PHKA1: variants seen among roughly 807,000 people sequenced by gnomAD.
PHKA1 encodes phosphorylase kinase regulatory subunit alpha 1.
Under a neutral mutation model 110.2 loss-of-function variants are expected in PHKA1, and 60 were observed. The ratio of observed to expected loss-of-function variants is 0.54; its 90% CI spans 0.44 to 0.68. PHKA1 has a LOEUF of 0.68. PHKA1 is among the 30% of genes least tolerant of loss of function. The pLI is 0.00. For synonymous variants in PHKA1, 316 were observed against 333.6 expected (o/e 0.95, Z 0.58); for missense variants, 801 against 942.5 (o/e 0.85, Z 1.97).
In PHKA1 at chrX:72,602,279, T is replaced by C; in HGVS notation, c.2918-6A>G. On this transcript the variant is annotated splice_polypyrimidine_tract_variant and splice_region_variant and intron_variant, in intron 26 of 31. Transcript: ENST00000373542. ...ATTTGAATCAGTGGGACGAACTATG[T>C]AGTATGAGAGATTACAGAGAAAGAG... 7.7e-6 allele frequency: 8 copies of C among 1,045,620 alleles called. No homozygotes were observed. The highest frequency in any genetic ancestry group is 9.4e-6 in the Non-Finnish European group (7 of 744,594). The allele number at this position is 1,045,620 out of a possible 1,213,427, so 86.2% of individuals were successfully genotyped here. A position where few individuals can be genotyped will look rare whatever the true frequency, so the allele number is the denominator to read the frequency against.
chrX:72,587,443 T>C (rs183811131), intron 29 of PHKA1, among the ~76,000 whole-genome samples: 8 of 111,301 alleles, frequency 7.2e-5, no homozygotes, highest in Admixed American at 9.5e-5. Flanking sequence ...GCAATAAACA[T>C]GGAAAGGAAC....
chrX:72,685,082 C>G (rs1244685040), intron 4 of PHKA1, among the ~76,000 whole-genome samples: 2 of 111,482 alleles, frequency 1.8e-5, no homozygotes, highest in Admixed American at 1.9e-4. Flanking sequence ...CATGAATTAT[C>G]CATTTAATTT....
intron 9 of PHKA1, among the ~76,000 whole-genome samples, 163 bp from the exon 10 acceptor site, chrX:72,656,405 C>A (rs782362270): frequency 7.1e-5 from 8 of 112,207 alleles, no homozygotes; most frequent in Non-Finnish European, 1.3e-4. Flanking sequence ...CTCTATGATG[C>A]GACTTCTAAC....
In PHKA1 at chrX:72,666,185, T is replaced by G; in HGVS notation, c.830A>C (p.Glu277Ala). Residue 277 changes from glutamate to alanine, a missense_variant, in exon 8 of 32, where the codon GAG becomes GCG. Physicochemically the swap from Glu to Ala is moderately radical, Grantham distance 107 (BLOSUM62 -1). Around this residue, in one of 2 missense-constraint regions of PHKA1, gnomAD observed 299 missense variants for 423.3 expected, o/e 0.71. Coordinates refer to ENST00000373542, the MANE Select transcript of PHKA1 (RefSeq NM_002637.4). ...GGTGATGATTTCCTGTTTTGTGAGC[T>G]CCACCAACTGGCTATCCTCTACTGC... ...AFAVEDSQLV[E>A]LTKQEIITKL... 1 of 1,210,947 alleles carries G rather than the reference T, an allele frequency of 8.3e-7. No individual in the cohort carries two copies. Among genetic ancestry groups the G allele is most frequent in the Non-Finnish European group, 1.1e-6 (1 of 894,848 alleles).
chrX:72,667,399 C>A lies in PHKA1; in HGVS notation c.693G>T (p.Leu231=), dbSNP rs1374075213. ...KGGPQSVIHV[L]ADEVQHCQSI... ...CCTGGCAGTGCTGTACTTCATCAGCCAGGACATGGATAACTGATTGAGGCC... is the reference window on the plus strand; with the variant it reads ...CCTGGCAGTGCTGTACTTCATCAGCAAGGACATGGATAACTGATTGAGGCC... The change falls in exon 7 of 32, where the codon CTG becomes CTT. Residue 231 remains leucine, a synonymous_variant. Transcript: ENST00000373542. The A allele has an allele frequency of 8.3e-7, 1 of 1,206,467 alleles. No homozygotes were observed. Among genetic ancestry groups the A allele is most frequent in the African/African-American group, 1.8e-5 (1 of 57,122 alleles).
At chrX:72,675,272 T>C (rs1556311228) in intron 6 of PHKA1, among the ~76,000 whole-genome samples, 1 of 110,148 alleles carries the variant, frequency 9.1e-6, no homozygotes, top group Non-Finnish European at 1.9e-5. Context: ...TAAAATTCTA[T>C]TGTGACTCCC....
rs1317388080 is a variant in PHKA1, at chrX:72,713,877, T to C, written c.4A>G (p.Arg2Gly). The C allele has an allele frequency of 8.4e-7, 1 of 1,196,631 alleles. No homozygotes were observed. Among genetic ancestry groups the C allele is most frequent in the African/African-American group, 1.8e-5 (1 of 57,021 alleles). The change falls in exon 1 of 32, where the codon AGG (arginine) becomes GGG (glycine). Residue 2 changes from arginine (R) to glycine (G), a missense_variant. Arg to Gly is a moderately radical substitution (Grantham distance 125). Coordinates refer to ENST00000373542, the MANE Select transcript of PHKA1 (RefSeq NM_002637.4). The stretch of plus-strand genomic sequence containing the variant: ...CGGACCCCGGAGTTACTCCGGCTCC[T>C]CATGGCGACACGTTACTAATTGTCC... Reference protein sequence around the residue: MRSRSNSGVRLD... With the variant: MGSRSNSGVRLD...
intron 21 of PHKA1, among the ~76,000 whole-genome samples, chrX:72,612,166 A>G (rs145228434): frequency 8.9e-6 from 1 of 112,384 alleles, no homozygotes; most frequent in African/African-American, 3.2e-5. Context: ...GTACTGATAC[A>G]TGTTACAACA....
At chrX:72,669,850 C>G (rs782362314) in intron 6 of PHKA1, among the ~76,000 whole-genome samples, 3 of 110,133 alleles carry the variant, frequency 2.7e-5, no homozygotes, top group Non-Finnish European at 5.7e-5. Context: ...TACGGGTGCA[C>G]GTGTCTTTAT....
At chrX:72,582,633 G>A in intron 30 of PHKA1, 35 bp from the exon 31 acceptor site, 2 of 940,062 alleles carry the variant, frequency 2.1e-6, no homozygotes, top group South Asian at 4.1e-5. Flanking sequence ...CTTCCTAAGA[G>A]TCCATCATCC....
At chrX:72,581,570 T>C (rs1349344803) in intron 31 of PHKA1, among the ~76,000 whole-genome samples, 2 of 111,809 alleles carry the variant, frequency 1.8e-5, no homozygotes. Context: ...TATTCTTTTA[T>C]CCTGCATTTG....
At chrX:72,606,141 T>C (rs992924180) in intron 23 of PHKA1, among the ~76,000 whole-genome samples, 2 of 111,758 alleles carry the variant, frequency 1.8e-5, no homozygotes, top group South Asian at 7.4e-4. Context: ...TCCTCTCTTC[T>C]AGTTATTTTG....
rs145810354 is a variant in PHKA1 at position 72,626,418 on chromosome X, G to C, written c.1793+553C>G. Reference sequence around the variant, plus strand: ...AAAAACAAAACAAAACAGGTTTTCTGATCCTTTGAGATCTAGGCAAAGAAC... The same window carrying C: ...AAAAACAAAACAAAACAGGTTTTCTCATCCTTTGAGATCTAGGCAAAGAAC... On this transcript the variant is annotated intron_variant, in intron 17 of 31. Coordinates refer to ENST00000373542, the MANE Select transcript of PHKA1 (RefSeq NM_002637.4). 1.7e-3 allele frequency among the ~76,000 whole-genome samples: 184 copies of C among 110,710 alleles called. 3 individuals carry two copies. In the East Asian group the frequency reaches 0.045, roughly 27 times the overall value.
intron 8 of PHKA1, among the ~76,000 whole-genome samples, chrX:72,659,657 A>G (rs2053538149): frequency 8.9e-6 from 1 of 112,050 alleles, no homozygotes; most frequent in Non-Finnish European, 1.9e-5. Context: ...ATTACCCACT[A>G]TATCTACTAC....
intron 10 of PHKA1, among the ~76,000 whole-genome samples, chrX:72,655,346 G>A (rs1205838629): frequency 9.0e-6 from 1 of 111,680 alleles, no homozygotes; most frequent in Non-Finnish European, 1.9e-5. Context: ...CCAGGAGATC[G>A]AAGCTGCAGT....
At position 72,593,147 on chromosome X, in the gene PHKA1, A is replaced by G; in HGVS notation, c.3200T>C (p.Val1067Ala). Residue 1067 changes from valine to alanine, a missense_variant, in exon 29 of 32, where the codon GTT (valine) becomes GCT (alanine). By Grantham distance (64) the Val-to-Ala change is moderately conservative. This residue lies in a region of PHKA1 where 502 missense variants were observed against 519.2 expected (regional missense o/e 0.97). Transcript: ENST00000373542. ...RRRLDGALNR[V>A]PVGFYQKVWK... ...TACTTTCTGATAAAATCCAACTGGA[A>G]CTCTATTCAGTGCCCCATCCAGCCT... 8.3e-7 allele frequency: 1 copy of G among 1,201,103 alleles called. No homozygotes were observed. The highest frequency in any genetic ancestry group is 1.1e-6 in the Non-Finnish European group (1 of 885,977).
intron 29 of PHKA1, among the ~76,000 whole-genome samples, chrX:72,587,284 T>C (rs1556215242): frequency 9.0e-6 from 1 of 111,670 alleles, no homozygotes; most frequent in Non-Finnish European, 1.9e-5. Flanking sequence ...ATATTCAACA[T>C]TCTTAAAGAA....
chrX:72,610,023 A>G (rs1378404809), intron 22 of PHKA1, among the ~76,000 whole-genome samples: 2 of 111,214 alleles, frequency 1.8e-5, no homozygotes, highest in African/African-American at 3.3e-5. Context: ...TTTATGGAGT[A>G]CATGTGATAT....
At chrX:72,705,375 AT>A (rs1231451153) in intron 2 of PHKA1, 130 bp from the exon 3 acceptor site, 2 of 464,060 alleles carry the variant, frequency 4.3e-6, no homozygotes, top group Non-Finnish European at 7.8e-6. Flanking sequence ...TTTACATGAC[AT>A]TTACTTTATT....
Sources: allele counts gnomAD v4.1 joint callset (sites outside exome capture counted in the v4.1 genomes callset), GRCh38; gene constraint gnomAD v4.1.1; regional missense constraint gnomAD v4.1.1; transcripts MANE v1.5; gene names NCBI Gene and HGNC (gene_info 2026-07-23, HGNC 2026-07-21).